Variants in VIRMA observed in about 807,000 individuals in gnomAD.
VIRMA encodes the protein protein virilizer homolog.
Under a neutral mutation model 182.4 loss-of-function variants are expected in VIRMA, and 65 were observed. The ratio of observed to expected loss-of-function variants is 0.36; its 90% CI spans 0.29 to 0.44. VIRMA has a LOEUF of 0.44. VIRMA is among the 20% of genes least tolerant of loss of function. The probability of loss-of-function intolerance (pLI) is 1.00; values close to 1 mark genes in which losing one functional copy is unlikely to be tolerated. For missense variants in VIRMA, 1,752 were observed against 2,158.1 expected (o/e 0.81, Z 3.73); for synonymous variants, 709 against 743.1 (o/e 0.95, Z 0.75).
Position 94,543,401 on chromosome 8 carries a change from C to CAA in VIRMA, c.179+424_179+425dup, listed in dbSNP as rs1162030319. Among the ~76,000 whole-genome samples, 357 of 42,612 alleles carry CAA rather than the reference C, an allele frequency of 8.4e-3. 1 individual carries two copies. The highest frequency in any genetic ancestry group is 0.015 in the African/African-American group (219 of 14,824). The allele number at this position is 42,612 out of a possible 152,430, so 28.0% of individuals were successfully genotyped here. On this transcript the variant is annotated intron_variant, in intron 2 of 23. Coordinates refer to ENST00000297591, the MANE Select transcript of VIRMA (RefSeq NM_015496.5). ...GGACAACAGGAGCAAAACTCCATCT[C>CAA]AAAAAAAAAAAAAAAAAAAAAAAGG...
chr8:94,513,125 G>A (rs934242608), intron 11 of VIRMA, among the ~76,000 whole-genome samples: 2 of 152,164 alleles, frequency 1.3e-5, no homozygotes, highest in East Asian at 3.9e-4. Context: ...ATCACCTGAG[G>A]TTGGGAGTTT....
chr8:94,534,801 A>T, intron 5 of VIRMA, 38 bp downstream of exon 5: 1 of 1,604,130 alleles, frequency 6.2e-7, no homozygotes, highest in Non-Finnish European at 8.5e-7. Flanking sequence ...AACCACGGAT[A>T]TAAGTTTCAC....
At chr8:94,553,239 C>T (rs1388059726) in intron 1 of VIRMA, 146 bp downstream of exon 1, 1 of 783,104 alleles carries the variant, frequency 1.3e-6, no homozygotes, top group East Asian at 2.5e-5. Flanking sequence ...AGACGCGATG[C>T]TCACACAGCT....
chr8:94,514,077 ACTCTCT>A (rs36005087), intron 11 of VIRMA, among the ~76,000 whole-genome samples: 2 of 151,846 alleles, frequency 1.3e-5, no homozygotes, highest in African/African-American at 4.8e-5. Flanking sequence ...TGGCTTATAT[ACTCTCT>A]CTCTCTCACA....
chr8:94,506,806 C>A, intron 15 of VIRMA, 89 bp from the exon 16 acceptor site: 1 of 694,188 alleles, frequency 1.4e-6, no homozygotes, highest in South Asian at 1.9e-5. Flanking sequence ...AATTAATATT[C>A]AATAACTATC....
rs368093301 is a variant in VIRMA at position 94,541,234 on chromosome 8, G to A, written c.179+2593C>T. On this transcript the variant is annotated intron_variant, in intron 2 of 23. Transcript: ENST00000297591. The stretch of plus-strand genomic sequence containing the variant: ...ACTCCTGGGTTCAAGCAATCCTCCC[G>A]CCTCAGCCTCCCAAGCAGCGAGGAC... Among the ~76,000 whole-genome samples, 12 of 151,086 alleles carry A rather than the reference G, an allele frequency of 7.9e-5. No individual in the cohort carries two copies. In the East Asian group the frequency reaches 1.2e-3, roughly 15 times the overall value.
At chr8:94,516,831 C>T (rs764974596) in intron 10 of VIRMA, among the ~76,000 whole-genome samples, 1 of 152,122 alleles carries the variant, frequency 6.6e-6, no homozygotes. Context: ...GGAGCTATCA[C>T]AAGTAAAATT....
intron 2 of VIRMA, among the ~76,000 whole-genome samples, chr8:94,540,007 A>T (rs1815484799): frequency 6.6e-6 from 1 of 152,198 alleles, no homozygotes; most frequent in South Asian, 2.1e-4. Context: ...GAACTTTGAG[A>T]TATAAATTTC....
intron 1 of VIRMA, among the ~76,000 whole-genome samples, chr8:94,552,986 G>A (rs998855778): frequency 2.6e-5 from 4 of 152,010 alleles, no homozygotes; most frequent in African/African-American, 4.8e-5. Context: ...ATCGTGATTC[G>A]GAAACCACGA....
At chr8:94,543,746 C>A in intron 2 of VIRMA, 81 bp downstream of exon 2, 1 of 766,968 alleles carries the variant, frequency 1.3e-6, no homozygotes, top group South Asian at 1.6e-5. Context: ...GTAAAATATT[C>A]CCTTACATTT....
Position 94,499,432 on chromosome 8 carries a change from C to T in VIRMA, c.4172G>A (p.Gly1391Glu). Residue 1391 changes from glycine to glutamate, a missense_variant, in exon 17 of 24, where the codon GGA (glycine) becomes GAA (glutamate). Transcript: ENST00000297591. ...RVVSTFSKDT[G>E]ELASSFLEFM... ...TTCTAAAAATGAAGATGCAAGCTCT[C>T]CTGTGTCCTTACTAAATGTGCTGAC... 3 of 1,609,286 alleles carry T rather than the reference C, an allele frequency of 1.9e-6. No individual in the cohort carries two copies. Among genetic ancestry groups the T allele is most frequent in the African/African-American group, 1.3e-5 (1 of 74,906 alleles).
chr8:94,512,297 T>C, intron 11 of VIRMA: 1 of 248,108 alleles, frequency 4.0e-6, no homozygotes, highest in Non-Finnish European at 7.5e-6. Context: ...TATGTTGTAC[T>C]ATATACAATA....
At chr8:94,498,446 A>C (rs996921141) in intron 17 of VIRMA, 5 of 152,224 alleles carry the variant, frequency 3.3e-5, no homozygotes, top group African/African-American at 1.2e-4. Context: ...CATTATTCTG[A>C]GTTGCCCTAG....
Position 94,509,655 on chromosome 8 carries a change from CAG to C in VIRMA, c.3879+31_3879+32del, listed in dbSNP as rs779749443. On this transcript the variant is annotated intron_variant, in intron 15 of 23. Coordinates refer to ENST00000297591, the MANE Select transcript of VIRMA (RefSeq NM_015496.5). Reference sequence around the variant, plus strand: ...ACACACACACACACACATACACATGCAGAGAGAGACTTTATAAAATAACTATA... The same window carrying C: ...ACACACACACACACACATACACATGCAGAGAGACTTTATAAAATAACTATA... 14 of 1,582,136 alleles carry C rather than the reference CAG, an allele frequency of 8.8e-6. No individual in the cohort carries two copies. The East Asian group carries it at 1.6e-4, about 18-fold the overall frequency.
chr8:94,514,569 A>T (rs1814493458), intron 11 of VIRMA, among the ~76,000 whole-genome samples: 1 of 152,240 alleles, frequency 6.6e-6, no homozygotes, highest in African/African-American at 2.4e-5. Flanking sequence ...CATTTAAAAC[A>T]CTTATAAATG....
intron 2 of VIRMA, among the ~76,000 whole-genome samples, chr8:94,543,358 G>A (rs572681185): frequency 3.8e-5 from 5 of 130,378 alleles, no homozygotes; most frequent in East Asian, 4.4e-4. Context: ...CCAAGATTGC[G>A]CCATTGCATT....
intron 22 of VIRMA, among the ~76,000 whole-genome samples, chr8:94,491,117 T>C (rs62525073): frequency 0.064 from 8,752 of 137,382 alleles, 539 homozygotes; most frequent in East Asian, 0.15. Context: ...AGTTTGAGAC[T>C]AGCCTGGCAA....
chr8:94,526,481 T>A lies in VIRMA; in HGVS notation c.1763A>T (p.His588Leu). 1 of 1,613,960 alleles carries A rather than the reference T, an allele frequency of 6.2e-7. No individual in the cohort carries two copies. The highest frequency in any genetic ancestry group is 1.3e-5 in the African/African-American group (1 of 75,010). Residue 588 changes from histidine (H) to leucine (L), a missense_variant, in exon 8 of 24, where the codon CAC becomes CTC. Physicochemically the swap from His to Leu is moderately conservative, Grantham distance 99. Transcript: ENST00000297591. The stretch of plus-strand genomic sequence containing the variant: ...TCTCTCAAGTCCAGCATCTGTGTCG[T>A]GATCAGGTTCACTGTGGTTAGGAAG... ...SSLPNHSEPD[H>L]DTDAGLERTN...
intron 7 of VIRMA, 66 bp from the exon 8 acceptor site, chr8:94,527,429 G>T: frequency 1.0e-6 from 1 of 990,470 alleles, no homozygotes; most frequent in South Asian, 2.3e-5. Context: ...AATTCTGATT[G>T]AACAAGAAAT....
Sources: allele counts gnomAD v4.1 joint callset (sites outside exome capture counted in the v4.1 genomes callset), GRCh38; gene constraint gnomAD v4.1.1; transcripts MANE v1.5; gene names NCBI Gene and HGNC (gene_info 2026-07-23, HGNC 2026-07-21).